Variants in BMPR2 observed in about 807,000 individuals in gnomAD.
BMPR2 encodes bone morphogenetic protein receptor type-2.
In BMPR2, 29 loss-of-function variants were observed where a neutral mutation model predicts 100.8. The ratio of observed to expected loss-of-function variants is 0.29; its 90% CI spans 0.21 to 0.39. The LOEUF (loss-of-function observed/expected upper bound fraction) is 0.39. Ranked by LOEUF, BMPR2 falls within the 10% of genes least tolerant of loss-of-function variation. The probability of loss-of-function intolerance (pLI) is 1.00; values close to 1 mark genes in which losing one functional copy is unlikely to be tolerated. For missense variants in BMPR2, 1,011 were observed against 1,274.5 expected, an observed-to-expected ratio of 0.79 and a Z score of 3.15; for synonymous variants, 382 against 442.3, an observed-to-expected ratio of 0.86 and a Z score of 1.71.
At chr2:202,474,184 G>A (rs1382509120) in intron 3 of BMPR2, among the ~76,000 whole-genome samples, 4 of 150,066 alleles carry the variant, frequency 2.7e-5, no homozygotes, top group Admixed American at 2.7e-4. Flanking sequence ...CGCCGGGCAC[G>A]GTGGCTCACA....
chr2:202,416,477 G>T (rs1459334185), intron 1 of BMPR2, among the ~76,000 whole-genome samples: 1 of 150,430 alleles, frequency 6.6e-6, no homozygotes, highest in East Asian at 1.9e-4. Context: ...CTAGGCTGGA[G>T]TGCAGTGGTG....
At chr2:202,548,187 A>G (rs1467438579) in intron 10 of BMPR2, among the ~76,000 whole-genome samples, 2 of 152,150 alleles carry the variant, frequency 1.3e-5, no homozygotes, top group Non-Finnish European at 2.9e-5. Flanking sequence ...TTCTTTTCAC[A>G]TAGTTTTAGT....
intron 2 of BMPR2, 131 bp from the exon 3 acceptor site, chr2:202,467,388 G>C: frequency 1.2e-6 from 1 of 801,630 alleles, no homozygotes; most frequent in Non-Finnish European, 2.0e-6. Context: ...TATGTTTCCT[G>C]TTGATTTGCA....
chr2:202,553,100 T>C (rs1288559896), intron 11 of BMPR2, among the ~76,000 whole-genome samples: 1 of 152,236 alleles, frequency 6.6e-6, no homozygotes, highest in Non-Finnish European at 1.5e-5. Flanking sequence ...TTTTAATATG[T>C]AAAGGTATAG....
chr2:202,441,414 A>G (rs1037361087), intron 1 of BMPR2, among the ~76,000 whole-genome samples: 2 of 150,356 alleles, frequency 1.3e-5, no homozygotes, highest in Non-Finnish European at 2.9e-5. Context: ...TTTATTTAAA[A>G]ATCATAAAGG....
intron 1 of BMPR2, among the ~76,000 whole-genome samples, chr2:202,381,795 ATAG>A (rs1690299935): frequency 6.6e-6 from 1 of 152,040 alleles, no homozygotes; most frequent in African/African-American, 2.4e-5. Context: ...GGATGATGTG[ATAG>A]TAGTGGTATT....
chr2:202,524,751 G>T (rs1408502426), intron 7 of BMPR2, among the ~76,000 whole-genome samples: 1 of 152,138 alleles, frequency 6.6e-6, no homozygotes, highest in African/African-American at 2.4e-5. Flanking sequence ...TGAAAAATAA[G>T]GCTAGGTGCG....
chr2:202,531,081 T>A (rs1408728374), intron 8 of BMPR2, 127 bp downstream of exon 8: 1 of 1,102,428 alleles, frequency 9.1e-7, no homozygotes, highest in East Asian at 2.6e-5. Flanking sequence ...GGTGGGTGGA[T>A]CACCTAAGGT....
chr2:202,524,484 CCT>C lies in BMPR2; in HGVS notation c.967+4284_967+4285del, dbSNP rs143459575. Among the ~76,000 whole-genome samples the C allele has an allele frequency of 6.3e-3, 956 of 152,112 alleles. 12 individuals carry two copies. Among genetic ancestry groups the C allele is most frequent in the African/African-American group, 0.021 (889 of 41,506 alleles). Reference sequence around the variant, plus strand: ...CAGATAACAAACTTGCACATGTACCCCTGAGTTTAAAATAAAAGAGGCCAGGT... The same window carrying C: ...CAGATAACAAACTTGCACATGTACCCGAGTTTAAAATAAAAGAGGCCAGGT... On this transcript the variant is annotated intron_variant, in intron 7 of 12. Transcript: ENST00000374580.
Position 202,513,789 on chromosome 2 carries a change from T to C in BMPR2, c.489T>C (p.Val163=), listed in dbSNP as rs376352748. 2 of 1,613,104 alleles carry C rather than the reference T, an allele frequency of 1.2e-6. No homozygotes were observed. The highest frequency in any genetic ancestry group is 1.7e-4 in the Middle Eastern group (1 of 6,024). The change falls in exon 4 of 13, where the codon GTT becomes GTC. Residue 163 remains valine (V), a synonymous_variant. Coordinates refer to ENST00000374580, the MANE Select transcript of BMPR2 (RefSeq NM_001204.7). ...IALASVSVLA[V]LIVALCFGYR... is the part of the protein sequence containing the mutation. ...TGGCATCAGTCTCTGTATTAGCTGT[T>C]TTGATAGTTGCCTTATGCTTTGGAT... is the stretch of plus-strand genomic sequence containing the variant.
At chr2:202,392,822 G>C (rs557753566) in intron 1 of BMPR2, among the ~76,000 whole-genome samples, 1 of 151,634 alleles carries the variant, frequency 6.6e-6, no homozygotes, top group Non-Finnish European at 1.5e-5. Context: ...GAGAAACCCC[G>C]TCTCTACTAA....
chr2:202,383,478 C>G (rs376505777), intron 1 of BMPR2, among the ~76,000 whole-genome samples: 1 of 151,930 alleles, frequency 6.6e-6, no homozygotes, highest in African/African-American at 2.4e-5. Context: ...GTCAGGAGTT[C>G]GAGACCAACC....
At chr2:202,518,536 C>T (rs1311730756) in intron 5 of BMPR2, among the ~76,000 whole-genome samples, 1 of 152,168 alleles carries the variant, frequency 6.6e-6, no homozygotes, top group Non-Finnish European at 1.5e-5. Flanking sequence ...TTGCCCCATA[C>T]CACTTTTTTC....
rs114154883 is a variant in BMPR2, at chr2:202,551,952, T to C, written c.1414-764T>C. On this transcript the variant is annotated intron_variant, in intron 10 of 12. Transcript: ENST00000374580. ...GATCTCGGCCCACTGCCTTCATGGT[T>C]CAAGCGATTCTTCTGCCTCAGCCTC... Among the ~76,000 whole-genome samples the C allele has an allele frequency of 5.9e-3, 894 of 151,686 alleles. 13 individuals carry two copies. Among genetic ancestry groups the C allele is most frequent in the African/African-American group, 0.021 (852 of 41,298 alleles).
intron 8 of BMPR2, 146 bp downstream of exon 8, chr2:202,531,100 C>G: frequency 3.2e-6 from 3 of 940,042 alleles, no homozygotes; most frequent in Admixed American, 4.5e-5. Context: ...GTAAAGAGTT[C>G]GAGACCAGCT....
At position 202,556,550 on chromosome 2, in the gene BMPR2, T is replaced by A. The variant is rs1002924516; in HGVS notation, c.2866+19T>A. 5 of 1,608,688 alleles carry A rather than the reference T, an allele frequency of 3.1e-6. No homozygotes were observed. In the Admixed American group the frequency reaches 5.0e-5, roughly 16 times the overall value. ...ATACAGAGTAAGTGGAGGGATCATATAATCTCTCCTGTGTGTCTTTTGGGG... is the reference window on the plus strand; with the variant it reads ...ATACAGAGTAAGTGGAGGGATCATAAAATCTCTCCTGTGTGTCTTTTGGGG... On this transcript the variant is annotated intron_variant, in intron 12 of 12. Coordinates refer to ENST00000374580, the MANE Select transcript of BMPR2 (RefSeq NM_001204.7).
chr2:202,426,633 G>C (rs1691391715), intron 1 of BMPR2, among the ~76,000 whole-genome samples: 1 of 150,046 alleles, frequency 6.7e-6, no homozygotes, highest in South Asian at 2.1e-4. Context: ...TGTAACTCCA[G>C]CACTTTGGGA....
At chr2:202,387,779 T>G (rs138670703) in intron 1 of BMPR2, among the ~76,000 whole-genome samples, 3 of 152,352 alleles carry the variant, frequency 2.0e-5, no homozygotes, top group Non-Finnish European at 4.4e-5. Context: ...TTTTAATGTT[T>G]CCATGTGTTC....
intron 3 of BMPR2, among the ~76,000 whole-genome samples, chr2:202,470,497 C>T (rs1354361771): frequency 1.3e-5 from 2 of 151,434 alleles, no homozygotes; most frequent in African/African-American, 2.4e-5. Flanking sequence ...CGCGGTGGCT[C>T]ACGCCTGTAA....
Sources: gnomAD v4.1 joint callset for allele counts (sites outside exome capture counted in the v4.1 genomes callset) on GRCh38, gnomAD v4.1.1 for gene constraint, MANE v1.5 for transcripts, NCBI Gene and HGNC (gene_info 2026-07-23, HGNC 2026-07-21) for gene names.